ARTN: variants seen among roughly 807,000 people sequenced by gnomAD.
ARTN encodes artemin.
In ARTN, 9 loss-of-function variants were observed where a neutral mutation model predicts 15.4. The observed-to-expected ratio is 0.58, with a 90% confidence interval of 0.35 to 1.02. ARTN has a LOEUF of 1.02. Among genes scored for constraint, ARTN ranks in the 50% least tolerant of loss-of-function variants. The probability of loss-of-function intolerance (pLI) is 0.02; values close to 1 mark genes in which losing one functional copy is unlikely to be tolerated. For missense variants in ARTN, 284 were observed against 327.9 expected (o/e 0.87, Z 1.03); for synonymous variants, 163 against 155.8 (o/e 1.05, Z -0.35).
Position 43,936,713 on chromosome 1 carries a change from C to T in ARTN, c.611C>T (p.Thr204Ile), listed in dbSNP as rs1299115452. The T allele has an allele frequency of 1.2e-5, 19 of 1,579,138 alleles. No homozygotes were observed. Among genetic ancestry groups the T allele is most frequent in the Non-Finnish European group, 1.6e-5 (19 of 1,159,470 alleles). ...EAVSFMDVNS[T>I]WRTVDRLSAT... ...GTCTCCTTCATGGACGTCAACAGCA[C>T]CTGGAGAACCGTGGACCGCCTCTCC... Residue 204 changes from threonine to isoleucine, a missense_variant, in exon 5 of 5, where the codon ACC (threonine) becomes ATC (isoleucine). Thr to Ile is a moderately conservative substitution (Grantham distance 89). Transcript: ENST00000372359. This position sits in a 1 kb window ranked among gnomAD's most constrained non-coding sequence, Gnocchi z 6.6.
Position 43,936,608 on chromosome 1 carries a change from T to A in ARTN, c.506T>A (p.Leu169Gln). The change falls in exon 5 of 5, where the codon CTG becomes CAG. Residue 169 changes from leucine (L) to glutamine (Q), a missense_variant. Physicochemically the swap from Leu to Gln is moderately radical, Grantham distance 113. Transcript: ENST00000372359. This position sits in a 1 kb window ranked among gnomAD's most constrained non-coding sequence, Gnocchi z 6.6. The stretch of plus-strand genomic sequence containing the variant: ...CACGACCTCAGCCTGGCCAGCCTAC[T>A]GGGCGCCGGGGCCCTGCGACCGCCC... Reference protein sequence around the residue: ...SPHDLSLASLLGAGALRPPPG... With the variant: ...SPHDLSLASLQGAGALRPPPG... The A allele has an allele frequency of 1.9e-6, 3 of 1,592,000 alleles. No individual in the cohort carries two copies. The highest frequency in any genetic ancestry group is 2.6e-6 in the Non-Finnish European group (3 of 1,170,184).
intron 3 of ARTN, 175 bp downstream of exon 3, chr1:43,935,891 T>C: frequency 1.1e-6 from 1 of 900,264 alleles, no homozygotes; most frequent in South Asian, 1.6e-5. Context: ...TGCACTCAGG[T>C]GATTCCTCCC....
At chr1:43,935,819 GA>G in intron 3 of ARTN, 103 bp downstream of exon 3, 6 of 1,205,382 alleles carry the variant, frequency 5.0e-6, no homozygotes, top group Non-Finnish European at 5.9e-6. Context: ...GTGTGGGAGG[GA>G]AAATGGTCAG....
Position 43,937,014 on chromosome 1 carries a change from C to G in ARTN, c.*249C>G. On this transcript the variant is annotated 3_prime_UTR_variant, in exon 5 of 5. Transcript: ENST00000372359. ...CAGAGACCTCAGCTATGGAGCCCTT[C>G]GGACCCACTTCTCACAGACTCTGGC... The G allele has an allele frequency of 2.4e-6, 1 of 414,032 alleles. No individual in the cohort carries two copies. Among genetic ancestry groups the G allele is most frequent in the Non-Finnish European group, 4.0e-6 (1 of 250,880 alleles). The allele number at this position is 414,032 out of a possible 1,614,324, so 25.6% of individuals were successfully genotyped here. A position where few individuals can be genotyped will look rare whatever the true frequency, so the allele number is the denominator to read the frequency against.
chr1:43,935,944 G>T lies in ARTN; in HGVS notation c.61-149G>T, dbSNP rs1156558372. The T allele has an allele frequency of 4.4e-6, 5 of 1,143,842 alleles. No individual in the cohort carries two copies. In the East Asian group the frequency reaches 1.2e-4, roughly 28 times the overall value. The allele number at this position is 1,143,842 out of a possible 1,614,324, so 70.9% of individuals were successfully genotyped here. A position where few individuals can be genotyped will look rare whatever the true frequency, so the allele number is the denominator to read the frequency against. The stretch of plus-strand genomic sequence containing the variant: ...GCAAACCCATTATACTGGAACCTAG[G>T]CCCTTCCTGAGTTTCCCCTCCACAC... On this transcript the variant is annotated intron_variant, in intron 3 of 4. Coordinates refer to ENST00000372359, the MANE Select transcript of ARTN (RefSeq NM_057091.3).
At chr1:43,934,957 A>AT (rs959751133) in intron 2 of ARTN, among the ~76,000 whole-genome samples, 13 of 152,218 alleles carry the variant, frequency 8.5e-5, no homozygotes, top group African/African-American at 2.9e-4. Context: ...CCCAGGCCCC[A>AT]TGTTTTCAGA....
intron 3 of ARTN, 45 bp downstream of exon 3, chr1:43,935,761 C>A (rs375263174): frequency 1.3e-6 from 2 of 1,561,460 alleles, no homozygotes; most frequent in Non-Finnish European, 1.7e-6. Flanking sequence ...TGAGGAAAGG[C>A]GGCTTGACTG....
chr1:43,934,932 C>T (rs1174860763), intron 2 of ARTN, among the ~76,000 whole-genome samples: 1 of 152,154 alleles, frequency 6.6e-6, no homozygotes, highest in Non-Finnish European at 1.5e-5. Context: ...CCCTTGTGGC[C>T]ACAGGAAGCC....
At position 43,936,685 on chromosome 1, in the gene ARTN, G is replaced by A. The variant is rs766463007; in HGVS notation, c.583G>A (p.Ala195Thr). ...CTGCTGCCGACCCACGCGCTACGAA[G>A]CGGTCTCCTTCATGGACGTCAACAG... ...QPCCRPTRYE[A>T]VSFMDVNSTW... The change falls in exon 5 of 5, where the codon GCG becomes ACG. Residue 195 changes from alanine (A) to threonine (T), a missense_variant. Ala to Thr is a moderately conservative substitution (Grantham distance 58). Coordinates refer to ENST00000372359, the MANE Select transcript of ARTN (RefSeq NM_057091.3). The surrounding 1 kb of genome is among the most constrained non-coding windows in gnomAD (Gnocchi z 6.6). 2 of 1,598,372 alleles carry A rather than the reference G, an allele frequency of 1.3e-6. No individual in the cohort carries two copies. Among genetic ancestry groups the A allele is most frequent in the Non-Finnish European group, 1.7e-6 (2 of 1,172,592 alleles).
In ARTN at chr1:43,936,208, C is replaced by A. The variant is rs901691046; in HGVS notation, c.176C>A (p.Ala59Glu). The A allele has an allele frequency of 6.7e-7, 1 of 1,489,404 alleles. No homozygotes were observed. 92.3% of individuals were successfully genotyped at this position (1,489,404 alleles called of 1,614,324 possible). A position where few individuals can be genotyped will look rare whatever the true frequency, so the allele number is the denominator to read the frequency against. ...CGCGAAGGCCCCCCGCCTGTCCTGG[C>A]GTCCCCCGCCGGCCACCTGCCGGGT... ...APREGPPPVL[A>E]SPAGHLPGGR... Residue 59 changes from alanine (A) to glutamate (E), a missense_variant, in exon 4 of 5, where the codon GCG becomes GAG. Ala to Glu is a moderately radical substitution (Grantham distance 107, BLOSUM62 -1). Transcript: ENST00000372359. The surrounding 1 kb of genome is among the most constrained non-coding windows in gnomAD (Gnocchi z 6.6).
chr1:43,936,583 C>T lies in ARTN; in HGVS notation c.481C>T (p.His161Tyr). ...SGSCRRARSP[H>Y]DLSLASLLGA... ...CTCCTGCCGCCGCGCGCGCTCTCCACACGACCTCAGCCTGGCCAGCCTACT... is the reference window on the plus strand; with the variant it reads ...CTCCTGCCGCCGCGCGCGCTCTCCATACGACCTCAGCCTGGCCAGCCTACT... The change falls in exon 5 of 5, where the codon CAC (histidine) becomes TAC (tyrosine). Residue 161 changes from histidine (H) to tyrosine (Y), a missense_variant. Physicochemically the swap from His to Tyr is moderately conservative, Grantham distance 83. Transcript: ENST00000372359. This position sits in a 1 kb window ranked among gnomAD's most constrained non-coding sequence, Gnocchi z 6.6. 6.3e-7 allele frequency: 1 copy of T among 1,579,940 alleles called. No individual in the cohort carries two copies. Among genetic ancestry groups the T allele is most frequent in the Non-Finnish European group, 8.6e-7 (1 of 1,165,888 alleles).
rs2085106072 is a variant in ARTN at position 43,936,895 on chromosome 1, C to G, written c.*130C>G. On this transcript the variant is annotated 3_prime_UTR_variant, in exon 5 of 5. Transcript: ENST00000372359. The surrounding 1 kb of genome is among the most constrained non-coding windows in gnomAD (Gnocchi z 6.6). ...GGCCTCAAAGCTGAGAGGCCCCTGC[C>G]GGTGGGTGATGGATATCATCCCCGA... The G allele has an allele frequency of 1.6e-6, 2 of 1,229,288 alleles. No homozygotes were observed. The highest frequency in any genetic ancestry group is 2.1e-6 in the Non-Finnish European group (2 of 960,912). 76.1% of individuals were successfully genotyped at this position (1,229,288 alleles called of 1,614,324 possible). A position where few individuals can be genotyped will look rare whatever the true frequency, so the allele number is the denominator to read the frequency against.
chr1:43,935,099 G>A (rs369743920), intron 2 of ARTN, among the ~76,000 whole-genome samples: 3 of 152,214 alleles, frequency 2.0e-5, no homozygotes, highest in Non-Finnish European at 4.4e-5. Context: ...GCTCTGGGTG[G>A]GCAGCACAGG....
chr1:43,935,805 T>G, intron 3 of ARTN, 89 bp downstream of exon 3: 2 of 1,334,986 alleles, frequency 1.5e-6, no homozygotes, highest in Non-Finnish European at 2.1e-6. Flanking sequence ...TGGGCAGCGG[T>G]TAGGTGTGGG....
Position 43,937,065 on chromosome 1 carries a change from C to T in ARTN, c.*300C>T. The T allele has an allele frequency of 3.4e-6, 1 of 291,872 alleles. No individual in the cohort carries two copies. The highest frequency in any genetic ancestry group is 6.3e-6 in the Non-Finnish European group (1 of 158,802). 18.1% of individuals were successfully genotyped at this position (291,872 alleles called of 1,614,324 possible). A position where few individuals can be genotyped will look rare whatever the true frequency, so the allele number is the denominator to read the frequency against. ...ACTGGCCAGGCCTCGAACCTGGGAC[C>T]CCTCCTCTGATGAACACTACAGTGG... On this transcript the variant is annotated 3_prime_UTR_variant, in exon 5 of 5. Coordinates refer to ENST00000372359, the MANE Select transcript of ARTN (RefSeq NM_057091.3).
Position 43,935,480 on chromosome 1 carries a change from T to A in ARTN, c.-67-110T>A, listed in dbSNP as rs983904974. The A allele has an allele frequency of 1.7e-5, 11 of 632,432 alleles. No homozygotes were observed. The African/African-American group carries it at 2.0e-4, about 12-fold the overall frequency. The allele number at this position is 632,432 out of a possible 1,614,324, so 39.2% of individuals were successfully genotyped here. On this transcript the variant is annotated intron_variant, in intron 2 of 4. Coordinates refer to ENST00000372359, the MANE Select transcript of ARTN (RefSeq NM_057091.3). ...CACATAGTAAGGTTCCCAGTGCAGC[T>A]ACTTCTGCTGGGTTGAGTCTAGCTG...
intron 3 of ARTN, 137 bp from the exon 4 acceptor site, chr1:43,935,956 T>A (rs546048742): frequency 6.3e-6 from 8 of 1,260,072 alleles, no homozygotes; most frequent in Non-Finnish European, 8.0e-6. Flanking sequence ...CCTTCCTGAG[T>A]TTCCCCTCCA....
chr1:43,934,554 G>T (rs1009007506), intron 2 of ARTN: 1 of 152,606 alleles, frequency 6.6e-6, no homozygotes, highest in Admixed American at 6.5e-5. Context: ...GGCATTCTGT[G>T]TGCTAAAGGA....
chr1:43,936,196 C>A lies in ARTN; in HGVS notation c.164C>A (p.Pro55Gln). The A allele has an allele frequency of 2.0e-6, 3 of 1,522,418 alleles. No individual in the cohort carries two copies. Among genetic ancestry groups the A allele is most frequent in the East Asian group, 2.5e-5 (1 of 40,204 alleles). The allele number at this position is 1,522,418 out of a possible 1,614,324, so 94.3% of individuals were successfully genotyped here. ...AGCCCTGCCCCCCGCGAAGGCCCCCCGCCTGTCCTGGCGTCCCCCGCCGGC... is the reference window on the plus strand; with the variant it reads ...AGCCCTGCCCCCCGCGAAGGCCCCCAGCCTGTCCTGGCGTCCCCCGCCGGC... ...PRSPAPREGP[P>Q]PVLASPAGHL... The change falls in exon 4 of 5, where the codon CCG becomes CAG. Residue 55 changes from proline to glutamine, a missense_variant. Physicochemically the swap from Pro to Gln is moderately conservative, Grantham distance 76. Transcript: ENST00000372359. The surrounding 1 kb of genome is among the most constrained non-coding windows in gnomAD (Gnocchi z 6.6).
Sources: gnomAD v4.1 joint callset for allele counts (sites outside exome capture counted in the v4.1 genomes callset) on GRCh38, gnomAD v4.1.1 for gene constraint, Gnocchi (gnomAD v3.1) non-coding constraint, MANE v1.5 for transcripts, NCBI Gene and HGNC (gene_info 2026-07-23, HGNC 2026-07-21) for gene names.